Variants in APBA2 observed in about 807,000 individuals in gnomAD.
APBA2 encodes amyloid-beta A4 precursor protein-binding family A member 2.
In APBA2, 30 loss-of-function variants were observed where a neutral mutation model predicts 75.0. The ratio of observed to expected loss-of-function variants is 0.40; its 90% confidence interval spans 0.30 to 0.54. The LOEUF is 0.54. Ranked by LOEUF, APBA2 falls within the 20% of genes least tolerant of loss-of-function variation. APBA2 has a pLI of 0.49. For synonymous variants in APBA2, 444 were observed against 409.6 expected (o/e 1.08, Z -1.01); for missense variants, 801 against 1,016.1 (o/e 0.79, Z 2.88).
intron 2 of APBA2, among the ~76,000 whole-genome samples, chr15:28,930,856 G>T (rs1224774708): frequency 6.6e-6 from 1 of 152,210 alleles, no homozygotes; most frequent in Non-Finnish European, 1.5e-5. Flanking sequence ...CCCCTCGGGA[G>T]TGCTCCTGGG....
chr15:28,939,616 C>T (rs1566819627), intron 2 of APBA2, among the ~76,000 whole-genome samples: 1 of 152,172 alleles, frequency 6.6e-6, no homozygotes, highest in Admixed American at 6.5e-5. Flanking sequence ...CTTTTAATTA[C>T]AGCTACTTCT....
At chr15:29,071,931 AG>A (rs1285437433) in intron 4 of APBA2, among the ~76,000 whole-genome samples, 6 of 152,004 alleles carry the variant, frequency 3.9e-5, no homozygotes, top group Non-Finnish European at 8.8e-5. Context: ...TCCCATGGGT[AG>A]GGCATGGGGG....
chr15:29,044,417 G>A (rs916697536), intron 3 of APBA2: 1 of 152,160 alleles, frequency 6.6e-6, no homozygotes, highest in Admixed American at 6.5e-5. Flanking sequence ...CATTTTCTTG[G>A]ACATGTAGCA....
intron 2 of APBA2, among the ~76,000 whole-genome samples, chr15:28,960,837 G>A (rs554529741): frequency 7.4e-5 from 11 of 149,274 alleles, no homozygotes; most frequent in Admixed American, 4.7e-4. Context: ...TCGGCTCGCC[G>A]CAACCTCCGC....
At chr15:28,890,470 G>A (rs1247080307) in intron 1 of APBA2, among the ~76,000 whole-genome samples, 2 of 152,156 alleles carry the variant, frequency 1.3e-5, no homozygotes, top group Admixed American at 6.5e-5. Flanking sequence ...AACTTGTCTT[G>A]TATGTAATGT....
chr15:29,027,525 TTATGA>T (rs1439529316), intron 3 of APBA2, among the ~76,000 whole-genome samples: 3 of 152,142 alleles, frequency 2.0e-5, no homozygotes, highest in Non-Finnish European at 2.9e-5. Flanking sequence ...TTGATTTGTC[TTATGA>T]TATGTATTCT....
chr15:28,963,905 ATG>A (rs1566849124), intron 2 of APBA2, among the ~76,000 whole-genome samples: 1 of 152,140 alleles, frequency 6.6e-6, no homozygotes, highest in East Asian at 1.9e-4. Flanking sequence ...GTGTGTGTGT[ATG>A]TGTGTGATTC....
chr15:28,898,583 G>C (rs1021200246), intron 1 of APBA2, among the ~76,000 whole-genome samples: 27 of 152,338 alleles, frequency 1.8e-4, no homozygotes, highest in African/African-American at 5.8e-4. Flanking sequence ...AGGAGGCCCA[G>C]GGGGAGGGAA....
At chr15:28,901,908 A>ATATGTGTGTGTGTGTGTGTGTG (rs2032879823) in intron 1 of APBA2, among the ~76,000 whole-genome samples, 1 of 67,378 alleles carries the variant, frequency 1.5e-5, no homozygotes, top group Non-Finnish European at 2.7e-5. Flanking sequence ...GGAGCTTTTG[A>ATATGTGTGTGTGTGTGTGTGTG]TGTGTGTGTG....
rs757549599 is a variant in APBA2 at position 29,108,474 on chromosome 15, A to G, written c.2037+85A>G. 11 of 1,604,186 alleles carry G rather than the reference A, an allele frequency of 6.9e-6. 1 individual carries two copies. Among genetic ancestry groups the G allele is most frequent in the Admixed American group, 1.7e-5 (1 of 59,926 alleles). On this transcript the variant is annotated intron_variant, in intron 13 of 14. Coordinates refer to ENST00000683413, the MANE Select transcript of APBA2 (RefSeq NM_001353788.2). ...CAGCTCCCGTCCAATGGGGCAGGCT[A>G]TGTCTGGCAGCCTGGTAGGACCTGG...
chr15:29,090,732 T>C (rs2043520763), intron 6 of APBA2, among the ~76,000 whole-genome samples: 2 of 152,134 alleles, frequency 1.3e-5, no homozygotes, highest in African/African-American at 4.8e-5. Flanking sequence ...AGCCACTGCA[T>C]TGGGCCCCAC....
chr15:28,941,224 T>C (rs2035203821), intron 2 of APBA2, among the ~76,000 whole-genome samples: 1 of 152,146 alleles, frequency 6.6e-6, no homozygotes, highest in Non-Finnish European at 1.5e-5. Flanking sequence ...AACCTCTGTG[T>C]CTGAAGCGTC....
chr15:28,958,865 C>T (rs2036315118), intron 2 of APBA2, among the ~76,000 whole-genome samples: 1 of 151,316 alleles, frequency 6.6e-6, no homozygotes, highest in African/African-American at 2.4e-5. Flanking sequence ...AGAAAATTTC[C>T]AAGTTTTCCT....
At chr15:29,088,810 C>G (rs2043414335) in intron 6 of APBA2, among the ~76,000 whole-genome samples, 1 of 152,202 alleles carries the variant, frequency 6.6e-6, no homozygotes, top group Non-Finnish European at 1.5e-5. Flanking sequence ...CTGGCCAGCG[C>G]TTCCTCCCCA....
At position 29,054,637 on chromosome 15, in the gene APBA2, G is replaced by A. The variant is rs747711711; in HGVS notation, c.753G>A (p.Glu251=). ...SITSASEASP[E]HGPEPGPEDS... ...CCAGCGCCAGTGAGGCCAGCCCCGA[G>A]CATGGGCCTGAGCCAGGGCCTGAGG... The change falls in exon 4 of 15, where the codon GAG becomes GAA. Residue 251 remains glutamate, a synonymous_variant. Coordinates refer to ENST00000683413, the MANE Select transcript of APBA2 (RefSeq NM_001353788.2). This position sits in a 1 kb window ranked among gnomAD's most constrained non-coding sequence, Gnocchi z 6.1. 4 of 1,614,048 alleles carry A rather than the reference G, an allele frequency of 2.5e-6. No individual in the cohort carries two copies. The East Asian group carries it at 6.7e-5, about 27-fold the overall frequency.
intron 3 of APBA2, among the ~76,000 whole-genome samples, chr15:29,051,623 T>C (rs1388991895): frequency 6.6e-6 from 1 of 152,218 alleles, no homozygotes; most frequent in African/African-American, 2.4e-5. Flanking sequence ...GGAATATTCA[T>C]ACTGCTGTAA....
At chr15:28,943,731 C>A (rs150946036) in intron 2 of APBA2, among the ~76,000 whole-genome samples, 1 of 151,918 alleles carries the variant, frequency 6.6e-6, no homozygotes. Flanking sequence ...TCGATGGCCC[C>A]GGCTCCTCCA....
At chr15:28,887,152 C>T (rs1200704743) in intron 1 of APBA2, among the ~76,000 whole-genome samples, 2 of 152,212 alleles carry the variant, frequency 1.3e-5, no homozygotes, top group African/African-American at 4.8e-5. Context: ...TATTCAGATA[C>T]GACCTGGCAG....
chr15:29,033,219 G>A (rs11856437), intron 3 of APBA2, among the ~76,000 whole-genome samples: 29,174 of 151,620 alleles, frequency 0.19, 3,651 homozygotes, highest in African/African-American at 0.35. Flanking sequence ...GGTTAGACAA[G>A]GCCCACGTCT....
Sources: allele counts gnomAD v4.1 joint callset (sites outside exome capture counted in the v4.1 genomes callset), GRCh38; gene constraint gnomAD v4.1.1; non-coding constraint Gnocchi (gnomAD v3.1); transcripts MANE v1.5; gene names NCBI Gene and HGNC (gene_info 2026-07-23, HGNC 2026-07-21).